The following LHFPL4 variants were observed in gnomAD, a reference collection of about 807,000 sequenced individuals.
The protein encoded by LHFPL4 is LHFPL tetraspan subfamily member 4, also known as LHFPL tetraspan subfamily member 4 protein.
LHFPL4 carries 6 observed loss-of-function variants against 20.0 expected under a neutral mutation model. The ratio of observed to expected loss-of-function variants is 0.30; its 90% confidence interval spans 0.16 to 0.59. The LOEUF (loss-of-function observed/expected upper bound fraction) is 0.59. Ranked by LOEUF, LHFPL4 falls within the 20% of genes least tolerant of loss-of-function variation. The probability of loss-of-function intolerance (pLI) is 0.88; values close to 1 mark genes in which losing one functional copy is unlikely to be tolerated. For synonymous variants in LHFPL4, 129 were observed against 143.8 expected, an observed-to-expected ratio of 0.90 and a Z score of 0.74; for missense variants, 215 against 331.2, an observed-to-expected ratio of 0.65 and a Z score of 2.72.
At chr3:9,523,669 T>C (rs2449661) in intron 2 of LHFPL4, among the ~76,000 whole-genome samples, 145,696 of 151,940 alleles carry the variant, frequency 0.96, 69,903 homozygotes, top group Middle Eastern at 0.99. Flanking sequence ...GACGGGGTTT[T>C]ACCATGTTGG....
intron 2 of LHFPL4, among the ~76,000 whole-genome samples, chr3:9,520,436 C>A (rs994177995): frequency 2.6e-5 from 4 of 152,078 alleles, no homozygotes; most frequent in Non-Finnish European, 5.9e-5. Context: ...TCACTACAAC[C>A]TCTGCTTCCC....
intron 3 of LHFPL4, among the ~76,000 whole-genome samples, chr3:9,504,526 A>T (rs1463765058): frequency 1.6e-5 from 2 of 121,686 alleles, no homozygotes; most frequent in African/African-American, 2.6e-5. Flanking sequence ...TTTGCTTTTT[A>T]AAAAAATATA....
At chr3:9,513,411 G>A (rs984695812) in intron 2 of LHFPL4, among the ~76,000 whole-genome samples, 4 of 151,902 alleles carry the variant, frequency 2.6e-5, no homozygotes, top group Non-Finnish European at 2.9e-5. Flanking sequence ...GGCTCACTGC[G>A]TCCTCGAACT....
intron 2 of LHFPL4, among the ~76,000 whole-genome samples, chr3:9,551,489 C>T (rs1458885671): frequency 6.6e-6 from 1 of 152,192 alleles, no homozygotes; most frequent in Non-Finnish European, 1.5e-5. Flanking sequence ...GGAAAACTGT[C>T]TCAGCATTTC....
chr3:9,547,882 T>G (rs973952189), intron 2 of LHFPL4, among the ~76,000 whole-genome samples: 7 of 152,164 alleles, frequency 4.6e-5, no homozygotes, highest in Non-Finnish European at 1.0e-4. Context: ...CATGGCTCAC[T>G]GCAACCTCCG....
intron 2 of LHFPL4, among the ~76,000 whole-genome samples, chr3:9,525,763 G>T (rs1477386816): frequency 1.3e-5 from 2 of 152,086 alleles, no homozygotes; most frequent in African/African-American, 4.8e-5. Context: ...GTGCTTATAC[G>T]TTTGAAAAAA....
intron 2 of LHFPL4, among the ~76,000 whole-genome samples, chr3:9,507,177 G>A (rs926676092): frequency 1.3e-5 from 2 of 152,178 alleles, no homozygotes; most frequent in Non-Finnish European, 2.9e-5. Flanking sequence ...CACTTAGCAC[G>A]GTGCCAGGCA....
chr3:9,512,743 G>A (rs550588945), intron 2 of LHFPL4, among the ~76,000 whole-genome samples: 137 of 152,136 alleles, frequency 9.0e-4, no homozygotes, highest in Non-Finnish European at 1.5e-3. Context: ...GGATGCTACC[G>A]GGTACTCTTT....
intron 2 of LHFPL4, among the ~76,000 whole-genome samples, chr3:9,520,112 A>G (rs182982961): frequency 6.6e-6 from 1 of 152,186 alleles, no homozygotes; most frequent in East Asian, 1.9e-4. Flanking sequence ...GAACACTGCT[A>G]TCATGTCATC....
At chr3:9,534,342 T>G (rs2046432190) in intron 2 of LHFPL4, among the ~76,000 whole-genome samples, 1 of 152,214 alleles carries the variant, frequency 6.6e-6, no homozygotes, top group South Asian at 2.1e-4. Flanking sequence ...CATTCAATAA[T>G]ATAATCAGTC....
At chr3:9,528,483 A>G (rs935222725) in intron 2 of LHFPL4, among the ~76,000 whole-genome samples, 1 of 152,062 alleles carries the variant, frequency 6.6e-6, no homozygotes, top group Non-Finnish European at 1.5e-5. Context: ...TTTTCGCCAC[A>G]CCTTCAGTTA....
intron 2 of LHFPL4, among the ~76,000 whole-genome samples, chr3:9,509,198 T>G (rs1421221303): frequency 3.3e-5 from 5 of 151,536 alleles, no homozygotes; most frequent in African/African-American, 1.2e-4. Flanking sequence ...TCATTCTGTG[T>G]CTCCATTCCT....
chr3:9,509,711 A>C (rs1316096382), intron 2 of LHFPL4, among the ~76,000 whole-genome samples: 3 of 152,202 alleles, frequency 2.0e-5, no homozygotes, highest in African/African-American at 7.2e-5. Flanking sequence ...CCCAGAGGCC[A>C]CTCCGGGAAT....
chr3:9,549,685 G>C (rs904669571), intron 2 of LHFPL4, among the ~76,000 whole-genome samples: 2 of 152,014 alleles, frequency 1.3e-5, no homozygotes, highest in African/African-American at 4.8e-5. Context: ...CAACAAGAGT[G>C]AAACTCCGTC....
At chr3:9,519,045 C>A (rs988717650) in intron 2 of LHFPL4, among the ~76,000 whole-genome samples, 5 of 152,108 alleles carry the variant, frequency 3.3e-5, no homozygotes, top group Non-Finnish European at 7.4e-5. Context: ...TCAAGCAATT[C>A]TCGTGTCTCA....
intron 2 of LHFPL4, among the ~76,000 whole-genome samples, chr3:9,524,423 G>C (rs1301274730): frequency 6.6e-6 from 1 of 151,994 alleles, no homozygotes; most frequent in Non-Finnish European, 1.5e-5. Flanking sequence ...GGATATTCAA[G>C]TTTGTTTGTT....
chr3:9,525,517 T>G (rs2046367940), intron 2 of LHFPL4, among the ~76,000 whole-genome samples: 1 of 152,238 alleles, frequency 6.6e-6, no homozygotes, highest in African/African-American at 2.4e-5. Context: ...ATTTTTCAGT[T>G]TGTTTGGCTT....
chr3:9,552,142 C>G (rs1486346844), intron 2 of LHFPL4, 132 bp downstream of exon 2: 2 of 1,207,550 alleles, frequency 1.7e-6, no homozygotes, highest in East Asian at 2.5e-5. Flanking sequence ...ACTGAGGGTC[C>G]GTCAGCCAAA....
At chr3:9,537,334 C>T (rs899613504) in intron 2 of LHFPL4, among the ~76,000 whole-genome samples, 7 of 152,152 alleles carry the variant, frequency 4.6e-5, no homozygotes, top group African/African-American at 1.7e-4. Context: ...TGGTTCCAGA[C>T]CTTGAGGGGC....
Sources: gnomAD v4.1 joint callset for allele counts (sites outside exome capture counted in the v4.1 genomes callset) on GRCh38, gnomAD v4.1.1 for gene constraint, MANE v1.5 for transcripts, NCBI Gene and HGNC (gene_info 2026-07-23, HGNC 2026-07-21) for gene names.